Variants in CDH12 observed in about 807,000 individuals in gnomAD.
CDH12 encodes cadherin-12.
A neutral mutation model predicts 74.1 loss-of-function variants in CDH12; 41 were observed. The ratio of observed to expected loss-of-function variants is 0.55; its 90% CI spans 0.43 to 0.72. The LOEUF (loss-of-function observed/expected upper bound fraction) is 0.72. Ranked by LOEUF, CDH12 falls within the 30% of genes least tolerant of loss-of-function variation. The probability of loss-of-function intolerance (pLI) is 0.00; values close to 1 mark genes in which losing one functional copy is unlikely to be tolerated. For missense variants in CDH12, 945 were observed against 977.2 expected, an observed-to-expected ratio of 0.97 and a Z score of 0.44; for synonymous variants, 399 against 355.0, an observed-to-expected ratio of 1.12 and a Z score of -1.39.
intron 1 of CDH12, among the ~76,000 whole-genome samples, chr5:22,825,694 T>C (rs1736284090): frequency 6.6e-6 from 1 of 152,158 alleles, no homozygotes; most frequent in African/African-American, 2.4e-5. Context: ...GTAAGTCCTC[T>C]GTACACAATT....
intron 1 of CDH12, among the ~76,000 whole-genome samples, chr5:22,614,213 A>G (rs1737567297): frequency 6.6e-6 from 1 of 152,146 alleles, no homozygotes; most frequent in Non-Finnish European, 1.5e-5. Flanking sequence ...TCTCATTTGG[A>G]CTTGTTGCAA....
intron 1 of CDH12, among the ~76,000 whole-genome samples, chr5:22,530,380 T>C (rs1737532979): frequency 6.6e-6 from 1 of 152,178 alleles, no homozygotes. Context: ...TAAAGTCTGG[T>C]AAAATATTTT....
chr5:22,842,040 G>A (rs1335907476), intron 1 of CDH12, among the ~76,000 whole-genome samples: 1 of 152,090 alleles, frequency 6.6e-6, no homozygotes, highest in Non-Finnish European at 1.5e-5. Context: ...TACTTGAGAT[G>A]ACAACAGAAC....
chr5:21,761,753 A>AGATG (rs1183411534), intron 12 of CDH12, among the ~76,000 whole-genome samples: 1 of 151,606 alleles, frequency 6.6e-6, no homozygotes, highest in Non-Finnish European at 1.5e-5. Flanking sequence ...ATAGATAGAT[A>AGATG]GATAGATAGA....
intron 6 of CDH12, among the ~76,000 whole-genome samples, chr5:21,964,220 G>A (rs1206005193): frequency 6.6e-6 from 1 of 152,024 alleles, no homozygotes; most frequent in Non-Finnish European, 1.5e-5. Flanking sequence ...CCCCACAGGA[G>A]AAAAATGGCT....
intron 3 of CDH12, among the ~76,000 whole-genome samples, chr5:22,347,255 T>C (rs1049616574): frequency 2.0e-5 from 3 of 152,106 alleles, no homozygotes; most frequent in Non-Finnish European, 2.9e-5. Context: ...CCATCCTCAA[T>C]CTGGATGGGC....
intron 1 of CDH12, among the ~76,000 whole-genome samples, chr5:22,825,823 A>AAAT (rs1421836321): frequency 6.6e-6 from 1 of 152,152 alleles, no homozygotes; most frequent in Non-Finnish European, 1.5e-5. Context: ...AAGACCAAAT[A>AAAT]CTGGTGGCAA....
chr5:22,030,849 T>G (rs1738768553), intron 5 of CDH12, among the ~76,000 whole-genome samples: 1 of 152,182 alleles, frequency 6.6e-6, no homozygotes, highest in East Asian at 1.9e-4. Context: ...TTTGGATAAC[T>G]TGCTGCAGTT....
At chr5:22,250,832 A>G (rs1007564142) in intron 3 of CDH12, among the ~76,000 whole-genome samples, 2 of 152,198 alleles carry the variant, frequency 1.3e-5, no homozygotes, top group African/African-American at 4.8e-5. Context: ...GCACTTAAAA[A>G]GCCATTGCAG....
At chr5:22,550,875 C>A (rs1329298829) in intron 1 of CDH12, among the ~76,000 whole-genome samples, 6 of 152,196 alleles carry the variant, frequency 3.9e-5, no homozygotes, top group Non-Finnish European at 1.5e-5. Flanking sequence ...TGTGCCCTCC[C>A]TATGCTTCAG....
intron 4 of CDH12, among the ~76,000 whole-genome samples, chr5:22,101,060 C>A (rs1433837710): frequency 1.3e-5 from 2 of 151,264 alleles, no homozygotes; most frequent in Non-Finnish European, 3.0e-5. Context: ...TTACAAAAAC[C>A]AGATATTACC....
At chr5:22,373,130 C>G (rs916046386) in intron 3 of CDH12, among the ~76,000 whole-genome samples, 1 of 152,152 alleles carries the variant, frequency 6.6e-6, no homozygotes, top group African/African-American at 2.4e-5. Context: ...AGCCAAGTCC[C>G]ATTCCCCCAG....
At chr5:22,282,625 C>A (rs1029366281) in intron 3 of CDH12, among the ~76,000 whole-genome samples, 11 of 152,020 alleles carry the variant, frequency 7.2e-5, no homozygotes, top group African/African-American at 1.7e-4. Context: ...ATGAGGCCAA[C>A]AAACATATGA....
At chr5:22,786,719 T>G (rs2126367643) in intron 1 of CDH12, among the ~76,000 whole-genome samples, 1 of 151,560 alleles carries the variant, frequency 6.6e-6, no homozygotes, top group Admixed American at 6.6e-5. Context: ...TTTTTCTTTC[T>G]GTTTTTTTTT....
chr5:22,085,475 A>G (rs1002374088), intron 4 of CDH12, among the ~76,000 whole-genome samples: 1 of 152,170 alleles, frequency 6.6e-6, no homozygotes, highest in Non-Finnish European at 1.5e-5. Flanking sequence ...TTCTAATACT[A>G]ACTGCATATT....
intron 2 of CDH12, among the ~76,000 whole-genome samples, chr5:22,493,559 T>C (rs1000336453): frequency 1.3e-5 from 1 of 77,264 alleles, no homozygotes; most frequent in African/African-American, 5.6e-5. Flanking sequence ...AAATAGTTTT[T>C]TTGGTTTTTT....
chr5:22,797,016 A>G (rs1247326377), intron 1 of CDH12, among the ~76,000 whole-genome samples: 1 of 152,056 alleles, frequency 6.6e-6, no homozygotes, highest in African/African-American at 2.4e-5. Flanking sequence ...ATAGAAAGCA[A>G]GGGAAGCCTA....
chr5:21,860,119 C>T (rs1028632344), intron 6 of CDH12, among the ~76,000 whole-genome samples: 1 of 151,938 alleles, frequency 6.6e-6, no homozygotes, highest in Admixed American at 6.6e-5. Flanking sequence ...CCACGTGACT[C>T]GTTGCAGAAA....
At chr5:22,823,461 G>T (rs571498766) in intron 1 of CDH12, among the ~76,000 whole-genome samples, 1 of 151,974 alleles carries the variant, frequency 6.6e-6, no homozygotes, top group South Asian at 2.1e-4. Context: ...GACCTCACTT[G>T]CTCCTCCATC....
Sources: allele counts gnomAD v4.1 joint callset (sites outside exome capture counted in the v4.1 genomes callset), GRCh38; gene constraint gnomAD v4.1.1; transcripts MANE v1.5; gene names NCBI Gene and HGNC (gene_info 2026-07-23, HGNC 2026-07-21).